MRPL30: variants seen among roughly 807,000 people sequenced by gnomAD.
The protein encoded by MRPL30 is large ribosomal subunit protein uL30m.
A neutral mutation model predicts 17.2 loss-of-function variants in MRPL30; 10 were observed. The observed-to-expected ratio is 0.58, with a 90% confidence interval of 0.36 to 0.99. MRPL30 has a LOEUF of 0.99. MRPL30 is among the 50% of genes least tolerant of loss of function. The pLI, the probability that MRPL30 is intolerant of heterozygous loss-of-function variation, is 0.01. For synonymous variants in MRPL30, 61 were observed against 62.1 expected, an observed-to-expected ratio of 0.98 and a Z score of 0.08; for missense variants, 170 against 189.8, an observed-to-expected ratio of 0.90 and a Z score of 0.61.
In MRPL30 at chr2:99,195,792, A is replaced by T. The variant is rs2093954322; in HGVS notation, c.*87A>T. ...GTTTTCATTAAAATATGTTTTCAAA[A>T]CCATTTTCAGGCCGGGCACGGTGGC... is the stretch of plus-strand genomic sequence containing the variant. On this transcript the variant is annotated 3_prime_UTR_variant, in exon 6 of 6. Coordinates refer to ENST00000338148, the MANE Select transcript of MRPL30 (RefSeq NM_145212.4). The T allele has an allele frequency of 1.3e-6, 2 of 1,588,868 alleles. No homozygotes were observed. The highest frequency in any genetic ancestry group is 1.7e-6 in the Non-Finnish European group (2 of 1,169,840).
chr2:99,198,847 G>T lies in MRPL30; in HGVS notation c.*3142G>T, dbSNP rs967244349. ...ATCTGGTGGTGACCGTGGCCACCAA[G>T]TCAACCCAAACACTACCTTTAAGGA... On this transcript the variant is annotated 3_prime_UTR_variant, in exon 6 of 6. Coordinates refer to ENST00000338148, the MANE Select transcript of MRPL30 (RefSeq NM_145212.4). 2.6e-5 allele frequency among the ~76,000 whole-genome samples: 4 copies of T among 152,172 alleles called. No individual in the cohort carries two copies. The highest frequency in any genetic ancestry group is 5.9e-5 in the Non-Finnish European group (4 of 68,020).
intron 1 of MRPL30, 52 bp from the exon 2 acceptor site, chr2:99,186,125 G>C: frequency 7.8e-7 from 1 of 1,277,786 alleles, no homozygotes; most frequent in South Asian, 1.3e-5. Flanking sequence ...GGGGAAACCT[G>C]TTCATTTCCA....
rs929464849 is a variant in MRPL30, at chr2:99,198,495, G to A, written c.*2790G>A. 6.6e-6 allele frequency among the ~76,000 whole-genome samples: 1 copy of A among 152,148 alleles called. No homozygotes were observed. Among genetic ancestry groups the A allele is most frequent in the Admixed American group, 6.6e-5 (1 of 15,238 alleles). On this transcript the variant is annotated 3_prime_UTR_variant, in exon 6 of 6. Transcript: ENST00000338148. ...TCAAATAAATGCAATCATGTGCCTC[G>A]TGTCACCTTTTTTGCATTCCATTCA... is the stretch of plus-strand genomic sequence containing the variant.
chr2:99,188,375 G>A, intron 3 of MRPL30, 118 bp downstream of exon 3: 1 of 737,900 alleles, frequency 1.4e-6, no homozygotes, highest in South Asian at 1.9e-5. Context: ...TGTAGGTGAT[G>A]GTACAGAGTT....
rs2093959337 is a variant in MRPL30 at position 99,199,042 on chromosome 2, A to G, written c.*3337A>G. Among the ~76,000 whole-genome samples, 1 of 152,130 alleles carries G rather than the reference A, an allele frequency of 6.6e-6. No homozygotes were observed. Among genetic ancestry groups the G allele is most frequent in the Non-Finnish European group, 1.5e-5 (1 of 68,012 alleles). The stretch of plus-strand genomic sequence containing the variant: ...TGGAACTACACAGGCCATTTTAGGG[A>G]GATTTTGACATGAACAAGATTGCTT... On this transcript the variant is annotated 3_prime_UTR_variant, in exon 6 of 6. Transcript: ENST00000338148.
intron 5 of MRPL30, 71 bp from the exon 6 acceptor site, chr2:99,195,502 T>C: frequency 1.3e-6 from 2 of 1,486,158 alleles, no homozygotes; most frequent in East Asian, 2.3e-5. Flanking sequence ...TTGTTAACTG[T>C]AGTTATCCTG....
chr2:99,194,797 C>T lies in MRPL30; in HGVS notation c.179C>T (p.Pro60Leu). 1.9e-6 allele frequency: 3 copies of T among 1,596,724 alleles called. No individual in the cohort carries two copies. The highest frequency in any genetic ancestry group is 2.6e-6 in the Non-Finnish European group (3 of 1,174,908). ...GATCATGAAAAATACGGTGGGGATC[C>T]ACAGAACCCTCATAAACTGCATATT... Reference protein sequence around the residue: ...PEDHEKYGGDPQNPHKLHIVT... With the variant: ...PEDHEKYGGDLQNPHKLHIVT... Residue 60 changes from proline (P) to leucine (L), a missense_variant, in exon 4 of 6, where the codon CCA becomes CTA. By Grantham distance (98) the Pro-to-Leu change is moderately conservative. Transcript: ENST00000338148.
chr2:99,195,494 G>A lies in MRPL30; in HGVS notation c.354-79G>A, dbSNP rs1037528834. 1.0e-5 allele frequency: 15 copies of A among 1,450,948 alleles called. No individual in the cohort carries two copies. In the African/African-American group the frequency reaches 2.1e-4, roughly 21 times the overall value. The allele number at this position is 1,450,948 out of a possible 1,614,324, so 89.9% of individuals were successfully genotyped here. Reference sequence around the variant, plus strand: ...TAGCTATTTGAAACTATGTGTTATTGTTAACTGTAGTTATCCTGCGGGGAT... The same window carrying A: ...TAGCTATTTGAAACTATGTGTTATTATTAACTGTAGTTATCCTGCGGGGAT... On this transcript the variant is annotated intron_variant, in intron 5 of 5. Coordinates refer to ENST00000338148, the MANE Select transcript of MRPL30 (RefSeq NM_145212.4).
Position 99,194,871 on chromosome 2 carries a change from A to G in MRPL30, c.253A>G (p.Ile85Val), listed in dbSNP as rs368632333. Reference sequence around the variant, plus strand: ...AAGACGTCCATATTGGGAAAAAGATATAATAAAGATGCTTGGATTAGAAAA... The same window carrying G: ...AAGACGTCCATATTGGGAAAAAGATGTAATAAAGATGCTTGGATTAGAAAA... ...TRRRPYWEKD[I>V]IKMLGLEKAH... Residue 85 changes from isoleucine to valine, a missense_variant, in exon 4 of 6, where the codon ATA becomes GTA. Coordinates refer to ENST00000338148, the MANE Select transcript of MRPL30 (RefSeq NM_145212.4). 27 of 1,577,818 alleles carry G rather than the reference A, an allele frequency of 1.7e-5. No individual in the cohort carries two copies. Among genetic ancestry groups the G allele is most frequent in the East Asian group, 2.3e-5 (1 of 44,324 alleles).
At chr2:99,191,399 C>G (rs2093945750) in intron 3 of MRPL30, among the ~76,000 whole-genome samples, 1 of 152,166 alleles carries the variant, frequency 6.6e-6, no homozygotes, top group Non-Finnish European at 1.5e-5. Flanking sequence ...ATTTCAAGTT[C>G]ATATCCAAAA....
chr2:99,195,512 G>T, intron 5 of MRPL30, 61 bp from the exon 6 acceptor site: 3 of 1,526,220 alleles, frequency 2.0e-6, no homozygotes, highest in Non-Finnish European at 2.6e-6. Flanking sequence ...TAGTTATCCT[G>T]CGGGGATATA....
Position 99,188,159 on chromosome 2 carries a change from A to T in MRPL30, c.52-18A>T, listed in dbSNP as rs949011281. 6.5e-7 allele frequency: 1 copy of T among 1,548,832 alleles called. No homozygotes were observed. The highest frequency in any genetic ancestry group is 8.8e-7 in the Non-Finnish European group (1 of 1,142,746). On this transcript the variant is annotated intron_variant, in intron 2 of 5. Transcript: ENST00000338148. Reference sequence around the variant, plus strand: ...CTGACAGAATTCTAAAAAACAAATGATTTATATCATATTTTAGACTGTGAC... The same window carrying T: ...CTGACAGAATTCTAAAAAACAAATGTTTTATATCATATTTTAGACTGTGAC...
chr2:99,182,786 G>A (rs1017805085), intron 1 of MRPL30, among the ~76,000 whole-genome samples: 1 of 152,148 alleles, frequency 6.6e-6, no homozygotes, highest in African/African-American at 2.4e-5. Context: ...CTGCTATAGG[G>A]CAGATACCGC....
chr2:99,187,563 C>T (rs563169109), intron 2 of MRPL30, among the ~76,000 whole-genome samples: 4 of 152,268 alleles, frequency 2.6e-5, no homozygotes, highest in East Asian at 1.9e-4. Flanking sequence ...CGGTGGCTCA[C>T]GCTTGTAATC....
intron 1 of MRPL30, 62 bp downstream of exon 1, chr2:99,181,311 C>G: frequency 3.9e-6 from 1 of 255,418 alleles, no homozygotes; most frequent in South Asian, 5.6e-5. Flanking sequence ...CGGGAACCCT[C>G]TGCAGATCCT....
chr2:99,190,637 A>G (rs1004868493), intron 3 of MRPL30, among the ~76,000 whole-genome samples: 9 of 152,186 alleles, frequency 5.9e-5, no homozygotes, highest in African/African-American at 2.2e-4. Flanking sequence ...ATATTGTCTT[A>G]TATCTTTCCA....
intron 1 of MRPL30, 103 bp from the exon 2 acceptor site, chr2:99,186,073 GT>G: frequency 1.4e-6 from 1 of 694,938 alleles, no homozygotes; most frequent in East Asian, 2.7e-5. Flanking sequence ...TTACTGTTAA[GT>G]TTACAATTAA....
At position 99,198,062 on chromosome 2, in the gene MRPL30, G is replaced by A. The variant is rs1394136935; in HGVS notation, c.*2357G>A. On this transcript the variant is annotated 3_prime_UTR_variant, in exon 6 of 6. Transcript: ENST00000338148. ...TCTCAACAGCCCATAGCTAGAAGAG[G>A]GGATCTAAATGTTAAGTTGAATATT... Among the ~76,000 whole-genome samples the A allele has an allele frequency of 6.6e-6, 1 of 152,140 alleles. No individual in the cohort carries two copies. The highest frequency in any genetic ancestry group is 1.5e-5 in the Non-Finnish European group (1 of 68,022).
chr2:99,184,083 G>GTTGT (rs3070557), intron 1 of MRPL30, among the ~76,000 whole-genome samples: 141,503 of 152,076 alleles, frequency 0.93, 66,129 homozygotes, highest in Middle Eastern at 1. Context: ...TGAATTTAGG[G>GTTGT]TTATTTATTT....
Sources: allele counts gnomAD v4.1 joint callset (sites outside exome capture counted in the v4.1 genomes callset), GRCh38; gene constraint gnomAD v4.1.1; transcripts MANE v1.5; gene names NCBI Gene and HGNC (gene_info 2026-07-23, HGNC 2026-07-21).